The following CTNNA2 variants were observed in gnomAD, a reference collection of about 807,000 sequenced individuals.
CTNNA2 encodes catenin alpha 2.
CTNNA2 carries 42 observed loss-of-function variants against 101.0 expected under a neutral mutation model. The observed-to-expected ratio is 0.42, with a 90% CI of 0.32 to 0.54. The LOEUF (loss-of-function observed/expected upper bound fraction) is 0.54. Ranked by LOEUF, CTNNA2 falls within the 20% of genes least tolerant of loss-of-function variation. The probability of loss-of-function intolerance (pLI) is 0.14; values close to 1 mark genes in which losing one functional copy is unlikely to be tolerated. For synonymous variants in CTNNA2, 450 were observed against 456.4 expected, an observed-to-expected ratio of 0.99 and a Z score of 0.18; for missense variants, 871 against 1,223.1, an observed-to-expected ratio of 0.71 and a Z score of 4.29.
intron 1 of CTNNA2, among the ~76,000 whole-genome samples, chr2:79,564,728 T>A (rs1037681874): frequency 6.6e-6 from 1 of 152,186 alleles, no homozygotes; most frequent in Admixed American, 6.5e-5. Flanking sequence ...GTTTATTATG[T>A]GTGGCAAAGA....
chr2:80,564,735 A>T (rs1266101873), intron 12 of CTNNA2, among the ~76,000 whole-genome samples: 1 of 152,188 alleles, frequency 6.6e-6, no homozygotes, highest in Non-Finnish European at 1.5e-5. Context: ...CCAAGAATGT[A>T]TGCAGGAAGA....
intron 7 of CTNNA2, among the ~76,000 whole-genome samples, chr2:80,375,959 C>T (rs1559056397): frequency 6.6e-6 from 1 of 152,092 alleles, no homozygotes; most frequent in Non-Finnish European, 1.5e-5. Flanking sequence ...TAAGTACCTC[C>T]TATTTTGGTA....
Position 80,648,051 on chromosome 2 carries a change from C to A in CTNNA2, c.*179C>A. ...TCAATACTACTGATCCATCTGTAGC[C>A]TGGGAAGGAGACAGGACATTCCTGT... On this transcript the variant is annotated 3_prime_UTR_variant, in exon 19 of 19. Coordinates refer to ENST00000402739, the MANE Select transcript of CTNNA2 (RefSeq NM_001282597.3). 1.8e-6 allele frequency: 1 copy of A among 560,358 alleles called. No individual in the cohort carries two copies. The highest frequency in any genetic ancestry group is 3.1e-6 in the Non-Finnish European group (1 of 327,484). The allele number at this position is 560,358 out of a possible 1,614,324, so 34.7% of individuals were successfully genotyped here.
At chr2:80,232,650 G>C (rs533850854) in intron 7 of CTNNA2, among the ~76,000 whole-genome samples, 1 of 152,048 alleles carries the variant, frequency 6.6e-6, no homozygotes, top group African/African-American at 2.4e-5. Flanking sequence ...AAACTTCTGG[G>C]CAGAAACAAA....
chr2:79,539,150 G>T (rs1673251668), intron 1 of CTNNA2, among the ~76,000 whole-genome samples: 1 of 152,200 alleles, frequency 6.6e-6, no homozygotes, highest in Non-Finnish European at 1.5e-5. Flanking sequence ...ACCATATGGT[G>T]AATGTGAGTC....
intron 7 of CTNNA2, among the ~76,000 whole-genome samples, chr2:80,334,370 C>T (rs564671019): frequency 2.0e-5 from 3 of 152,186 alleles, no homozygotes; most frequent in Non-Finnish European, 4.4e-5. Context: ...GCTTTTGAGA[C>T]CTCAGAGCCT....
chr2:80,555,595 G>A, intron 11 of CTNNA2, 98 bp from the exon 12 acceptor site: 3 of 581,854 alleles, frequency 5.2e-6, no homozygotes, highest in Non-Finnish European at 8.6e-6. Flanking sequence ...GCATTGAGAT[G>A]TGTCCAAGGC....
chr2:79,497,873 A>G (rs1671276295), intron 4 of CTNNA2, among the ~76,000 whole-genome samples: 1 of 152,230 alleles, frequency 6.6e-6, no homozygotes, highest in Non-Finnish European at 1.5e-5. Flanking sequence ...GTAACAGAAA[A>G]CCCGCTTCCA....
chr2:79,769,117 A>C (rs13021727), intron 3 of CTNNA2, among the ~76,000 whole-genome samples: 9,698 of 152,100 alleles, frequency 0.064, 408 homozygotes, highest in South Asian at 0.095. Flanking sequence ...GGCCTCCCAA[A>C]GTGCTGGGAT....
chr2:80,643,218 C>A (rs970036938), intron 18 of CTNNA2, among the ~76,000 whole-genome samples: 1 of 152,242 alleles, frequency 6.6e-6, no homozygotes, highest in South Asian at 2.1e-4. Context: ...GAGGATTCAT[C>A]TGCTCTGGAT....
intron 7 of CTNNA2, among the ~76,000 whole-genome samples, chr2:80,074,344 C>T (rs1051443461): frequency 7.2e-5 from 11 of 152,082 alleles, no homozygotes; most frequent in Admixed American, 1.3e-4. Context: ...AACAAATCAC[C>T]GTGACACAAA....
intron 4 of CTNNA2, among the ~76,000 whole-genome samples, chr2:79,455,246 T>C (rs1212686560): frequency 6.6e-6 from 1 of 152,158 alleles, no homozygotes. Flanking sequence ...AACACAGGGA[T>C]GTTGGCATAG....
At chr2:79,289,725 A>AT (rs1473359000) in intron 2 of CTNNA2, among the ~76,000 whole-genome samples, 1 of 152,226 alleles carries the variant, frequency 6.6e-6, no homozygotes, top group Admixed American at 6.5e-5. Context: ...AGCCTAGGCA[A>AT]TACAGCAAGA....
intron 15 of CTNNA2, among the ~76,000 whole-genome samples, chr2:80,593,425 AGCTCATTTTGACTTGT>A (rs1332064500): frequency 6.6e-6 from 1 of 151,818 alleles, no homozygotes; most frequent in Non-Finnish European, 1.5e-5. Context: ...AAATGACTGT[AGCTCATTTTGACTTGT>A]GCTGTCCAAT....
At chr2:79,538,299 C>G (rs1438692157) in intron 1 of CTNNA2, among the ~76,000 whole-genome samples, 1 of 151,906 alleles carries the variant, frequency 6.6e-6, no homozygotes, top group African/African-American at 2.4e-5. Flanking sequence ...AAACAAGTGT[C>G]TTTGAAAAAC....
At chr2:80,628,948 A>G (rs1018890025) in intron 18 of CTNNA2, among the ~76,000 whole-genome samples, 5 of 152,162 alleles carry the variant, frequency 3.3e-5, no homozygotes, top group African/African-American at 9.7e-5. Flanking sequence ...AGCTGGCTAT[A>G]TGACCTGAGC....
At chr2:79,459,814 CCTT>C (rs2104534454) in intron 4 of CTNNA2, among the ~76,000 whole-genome samples, 1 of 152,266 alleles carries the variant, frequency 6.6e-6, no homozygotes, top group South Asian at 2.1e-4. Flanking sequence ...TTCAACTTCT[CCTT>C]CTTGGTTCTT....
rs114605868 is a variant in CTNNA2, at chr2:80,461,004, C to T, written c.1290+41403C>T. Among the ~76,000 whole-genome samples, 1,141 of 152,268 alleles carry T rather than the reference C, an allele frequency of 7.5e-3. 14 individuals are homozygous for T. The highest frequency in any genetic ancestry group is 0.025 in the African/African-American group (1,038 of 41,534). On this transcript the variant is annotated intron_variant, in intron 9 of 18. Coordinates refer to ENST00000402739, the MANE Select transcript of CTNNA2 (RefSeq NM_001282597.3). ...ACAATTTGGGAGAAGACTTTCTAACCGCTTCTTTTAGATAGCTACATAATC... is the reference window on the plus strand; with the variant it reads ...ACAATTTGGGAGAAGACTTTCTAACTGCTTCTTTTAGATAGCTACATAATC...
At chr2:80,206,452 C>G (rs1707538454) in intron 7 of CTNNA2, among the ~76,000 whole-genome samples, 1 of 152,164 alleles carries the variant, frequency 6.6e-6, no homozygotes, top group African/African-American at 2.4e-5. Flanking sequence ...TTGTAAGATG[C>G]TATCACATCA....
Sources: gnomAD v4.1 joint callset for allele counts (sites outside exome capture counted in the v4.1 genomes callset) on GRCh38, gnomAD v4.1.1 for gene constraint, MANE v1.5 for transcripts, NCBI Gene and HGNC (gene_info 2026-07-23, HGNC 2026-07-21) for gene names.